Variants in CUX1 observed in about 807,000 individuals in gnomAD.
CUX1 encodes protein CASP.
Under a neutral mutation model 158.8 loss-of-function variants are expected in CUX1, and 31 were observed. The ratio of observed to expected loss-of-function variants is 0.20; its 90% CI spans 0.15 to 0.26. CUX1 has a LOEUF of 0.26. Among genes scored for constraint, CUX1 ranks in the 10% least tolerant of loss-of-function variants. CUX1 has a pLI of 1.00. For missense variants in CUX1, 1,589 were observed against 2,014.6 expected (o/e 0.79, Z 4.04); for synonymous variants, 879 against 862.1 (o/e 1.02, Z -0.34).
intron 1 of CUX1, among the ~76,000 whole-genome samples, chr7:101,846,100 A>G (rs1214102860): frequency 6.6e-6 from 1 of 152,150 alleles, no homozygotes; most frequent in Non-Finnish European, 1.5e-5. Context: ...GGTGAATCAT[A>G]TGCACATGAA....
exon 15 of CUX1, chr7:102,273,436 C>A: frequency 1.2e-6 from 2 of 1,613,242 alleles, no homozygotes; most frequent in Non-Finnish European, 1.7e-6. Context: ...GAGAGCTGAT[C>A]GCCCGCCTGG....
chr7:102,148,513 A>G (rs1486103004), intron 8 of CUX1, among the ~76,000 whole-genome samples: 1 of 152,110 alleles, frequency 6.6e-6, no homozygotes, highest in Non-Finnish European at 1.5e-5. Flanking sequence ...AGTGCACTCC[A>G]GCTTGGGCAA....
At chr7:101,914,214 A>G (rs774843322) in intron 1 of CUX1, among the ~76,000 whole-genome samples, 11 of 152,160 alleles carry the variant, frequency 7.2e-5, no homozygotes, top group Non-Finnish European at 1.2e-4. Flanking sequence ...GATGTGCCTG[A>G]ATGCCAGAAA....
intron 1 of CUX1, among the ~76,000 whole-genome samples, chr7:101,911,124 G>A (rs1204544432): frequency 1.3e-5 from 2 of 152,302 alleles, no homozygotes; most frequent in Non-Finnish European, 2.9e-5. Flanking sequence ...CAGCAGCCAG[G>A]CCGACTTGGT....
chr7:101,896,504 G>A (rs1801535879), intron 1 of CUX1, among the ~76,000 whole-genome samples: 1 of 152,186 alleles, frequency 6.6e-6, no homozygotes, highest in Non-Finnish European at 1.5e-5. Flanking sequence ...CTCCTCAGGG[G>A]AAAATGGTGA....
chr7:102,012,997 A>C (rs537757453), intron 2 of CUX1, among the ~76,000 whole-genome samples: 1 of 152,146 alleles, frequency 6.6e-6, no homozygotes, highest in Non-Finnish European at 1.5e-5. Flanking sequence ...TGTTCAGGTT[A>C]AATTCTTGCG....
At chr7:102,067,750 T>C (rs548816192) in intron 3 of CUX1, among the ~76,000 whole-genome samples, 2 of 151,844 alleles carry the variant, frequency 1.3e-5, no homozygotes, top group South Asian at 4.2e-4. Flanking sequence ...ATATTAATAG[T>C]CCTTGTAGGC....
rs1270505606 is a variant in CUX1, at chr7:102,257,898, C to G, written c.*8856C>G. On this transcript the variant is annotated 3_prime_UTR_variant, in exon 24 of 24. Coordinates refer to ENST00000292535, the MANE Select transcript of CUX1 (RefSeq NM_181552.4). Reference sequence around the variant, plus strand: ...GAAAAAAGGAAAAAAAAAAAGTCGTCTTTTTTTTTTTTTTTTGTACAAATC... The same window carrying G: ...GAAAAAAGGAAAAAAAAAAAGTCGTGTTTTTTTTTTTTTTTTGTACAAATC... 1.1e-6 allele frequency: 1 copy of G among 893,032 alleles called. No homozygotes were observed. The highest frequency in any genetic ancestry group is 1.3e-6 in the Non-Finnish European group (1 of 758,652). 55.3% of individuals were successfully genotyped at this position (893,032 alleles called of 1,614,324 possible).
intron 2 of CUX1, among the ~76,000 whole-genome samples, chr7:101,944,615 G>A (rs1808153075): frequency 6.6e-6 from 1 of 152,208 alleles, no homozygotes; most frequent in Admixed American, 6.5e-5. Flanking sequence ...AAACCCAGGA[G>A]CCGGAATTTT....
intron 2 of CUX1, among the ~76,000 whole-genome samples, chr7:101,939,368 A>G (rs1205633863): frequency 6.6e-6 from 1 of 151,948 alleles, no homozygotes; most frequent in African/African-American, 2.4e-5. Flanking sequence ...GTACCACAGC[A>G]TGGAGGGATT....
At chr7:102,111,498 A>T (rs1554490019) in intron 6 of CUX1, among the ~76,000 whole-genome samples, 200 bp from the exon 7 acceptor site, 1 of 152,148 alleles carries the variant, frequency 6.6e-6, no homozygotes, top group Non-Finnish European at 1.5e-5. Flanking sequence ...ACTTGCCGTG[A>T]TGTGACACGC....
chr7:102,156,067 T>A (rs550104393), intron 8 of CUX1, among the ~76,000 whole-genome samples: 1 of 152,334 alleles, frequency 6.6e-6, no homozygotes, highest in East Asian at 1.9e-4. Context: ...ACAAGGCATC[T>A]GTTACCCTAT....
intron 1 of CUX1, among the ~76,000 whole-genome samples, chr7:101,865,559 G>T (rs1797857609): frequency 6.6e-6 from 1 of 152,202 alleles, no homozygotes; most frequent in African/African-American, 2.4e-5. Flanking sequence ...AATGACAAGG[G>T]AGTCCCCTGT....
At chr7:102,216,062 G>GGGA (rs1395812622) in intron 20 of CUX1, among the ~76,000 whole-genome samples, 1 of 149,704 alleles carries the variant, frequency 6.7e-6, no homozygotes, top group Non-Finnish European at 1.5e-5. Flanking sequence ...CCAGCACTTT[G>GGGA]GGAGGCCGCA....
chr7:101,858,214 A>G (rs1483095483), intron 1 of CUX1, among the ~76,000 whole-genome samples: 2 of 152,248 alleles, frequency 1.3e-5, no homozygotes, highest in African/African-American at 2.4e-5. Flanking sequence ...TGCAGTATGT[A>G]GATTCCTTAA....
At position 102,032,572 on chromosome 7, in the gene CUX1, G is replaced by A. The variant is rs1289712420; in HGVS notation, c.189+4427G>A. On this transcript the variant is annotated intron_variant, in intron 3 of 23. Transcript: ENST00000292535. ...TAATCACAGCTACCTGGGAGGCTGA[G>A]GCATGAGAATCAGTTGAACTCGGGA... is the stretch of plus-strand genomic sequence containing the variant. 2.0e-5 allele frequency among the ~76,000 whole-genome samples: 3 copies of A among 152,080 alleles called. No individual in the cohort carries two copies. In the South Asian group the frequency reaches 6.2e-4, roughly 32 times the overall value.
intron 2 of CUX1, among the ~76,000 whole-genome samples, chr7:101,930,927 T>C (rs1225234887): frequency 2.6e-5 from 4 of 152,066 alleles, no homozygotes; most frequent in Non-Finnish European, 4.4e-5. Context: ...CGAAACCCCG[T>C]CTCTACTAAA....
At chr7:101,954,651 G>C (rs937313577) in intron 2 of CUX1, among the ~76,000 whole-genome samples, 2 of 151,902 alleles carry the variant, frequency 1.3e-5, no homozygotes, top group African/African-American at 4.8e-5. Context: ...TCTACAGTGT[G>C]CTGGCATTTG....
At chr7:102,240,191 G>C (rs1456478732) in intron 23 of CUX1, among the ~76,000 whole-genome samples, 3 of 152,236 alleles carry the variant, frequency 2.0e-5, no homozygotes, top group Non-Finnish European at 2.9e-5. Flanking sequence ...TAATAAGGGA[G>C]AGTGTAGGCA....
Sources: allele counts gnomAD v4.1 joint callset (sites outside exome capture counted in the v4.1 genomes callset), GRCh38; gene constraint gnomAD v4.1.1; transcripts MANE v1.5; gene names NCBI Gene and HGNC (gene_info 2026-07-23, HGNC 2026-07-21).